TAF4B: variants seen among roughly 807,000 people sequenced by gnomAD.
TAF4B encodes the protein TATA-box binding protein associated factor 4b, also known as transcription initiation factor TFIID subunit 4B.
In TAF4B, 38 loss-of-function variants were observed where a neutral mutation model predicts 86.4. The observed-to-expected ratio is 0.44, with a 90% CI of 0.34 to 0.58. The LOEUF is 0.58. TAF4B is among the 20% of genes least tolerant of loss of function. The pLI, the probability that TAF4B is intolerant of heterozygous loss-of-function variation, is 0.02. For missense variants in TAF4B, 988 were observed against 1,027.6 expected (o/e 0.96, Z 0.53); for synonymous variants, 388 against 391.2 (o/e 0.99, Z 0.10).
chr18:26,357,010 A>G (rs1303319845), intron 13 of TAF4B, among the ~76,000 whole-genome samples: 1 of 152,106 alleles, frequency 6.6e-6, no homozygotes, highest in Non-Finnish European at 1.5e-5. Flanking sequence ...GAATTTTGCC[A>G]TGAATATTAT....
intron 14 of TAF4B, among the ~76,000 whole-genome samples, chr18:26,359,475 A>G (rs1287683657): frequency 6.6e-6 from 1 of 152,178 alleles, no homozygotes; most frequent in Non-Finnish European, 1.5e-5. Flanking sequence ...CAACCCTCAT[A>G]TGGTTGTGAA....
At chr18:26,330,599 T>C (rs2057042369) in intron 12 of TAF4B, among the ~76,000 whole-genome samples, 1 of 152,164 alleles carries the variant, frequency 6.6e-6, no homozygotes, top group Non-Finnish European at 1.5e-5. Context: ...CTAGGAAATG[T>C]ATATATGGTA....
chr18:26,261,172 A>ATTTTTTTT (rs71169839), intron 1 of TAF4B, among the ~76,000 whole-genome samples: 2 of 77,104 alleles, frequency 2.6e-5, no homozygotes, highest in Admixed American at 1.6e-4. Context: ...GAGCACTGTC[A>ATTTTTTTT]TTTTTTTTTT....
At chr18:26,260,017 C>T (rs1412346297) in intron 1 of TAF4B, among the ~76,000 whole-genome samples, 1 of 152,124 alleles carries the variant, frequency 6.6e-6, no homozygotes, top group Non-Finnish European at 1.5e-5. Flanking sequence ...TTTCGATTTG[C>T]ATTTGTCTGA....
At chr18:26,290,653 C>T (rs1369837102) in intron 7 of TAF4B, among the ~76,000 whole-genome samples, 1 of 152,158 alleles carries the variant, frequency 6.6e-6, no homozygotes, top group African/African-American at 2.4e-5. Context: ...TTAGTCTTCC[C>T]TAGCTCTATT....
rs1331969122 is a variant in TAF4B, at chr18:26,267,566, A to T, written c.540A>T (p.Lys180Asn). ...AAGTGGCAGTGACACCTGTTAAAAA[A>T]TTGGCACAAATAGGAACTACTGTGG... ...IKKVAVTPVK[K>N]LAQIGTTVVT... Residue 180 changes from lysine to asparagine, a missense_variant, in exon 3 of 15, where the codon AAA becomes AAT. Physicochemically the swap from Lys to Asn is moderately conservative, Grantham distance 94. Coordinates refer to ENST00000269142, the MANE Select transcript of TAF4B (RefSeq NM_005640.3). 6 of 1,614,068 alleles carry T rather than the reference A, an allele frequency of 3.7e-6. No individual in the cohort carries two copies. Among genetic ancestry groups the T allele is most frequent in the African/African-American group, 1.3e-5 (1 of 74,946 alleles).
rs190560593 is a variant in TAF4B, at chr18:26,233,081, C to T, written c.343+5805C>T. On this transcript the variant is annotated intron_variant, in intron 1 of 14. Transcript: ENST00000269142. ...GGGGAGGCAGATATAGGTTGAAGTTCCACATAAGAAGAATATGGCTTCGCT... is the reference window on the plus strand; with the variant it reads ...GGGGAGGCAGATATAGGTTGAAGTTTCACATAAGAAGAATATGGCTTCGCT... 2.0e-5 allele frequency among the ~76,000 whole-genome samples: 3 copies of T among 152,222 alleles called. No homozygotes were observed. In the East Asian group the frequency reaches 5.8e-4, roughly 29 times the overall value.
At position 26,379,905 on chromosome 18, in the gene TAF4B, AT is replaced by A. The variant is rs528960470; in HGVS notation, c.2422-9933del. ...CTTTTATCCATTTATACATAGGTAT[AT>A]TTTTTTGATGCTATTGAAAGTAGTA... On this transcript the variant is annotated intron_variant, in intron 14 of 14. Transcript: ENST00000269142. Among the ~76,000 whole-genome samples, 142 of 150,180 alleles carry A rather than the reference AT, an allele frequency of 9.5e-4. 1 individual carries two copies. The highest frequency in any genetic ancestry group is 3.5e-3 in the South Asian group (17 of 4,828).
chr18:26,336,129 G>A (rs1279943228), intron 13 of TAF4B, among the ~76,000 whole-genome samples: 1 of 152,174 alleles, frequency 6.6e-6, no homozygotes, highest in African/African-American at 2.4e-5. Flanking sequence ...GGATCTGACA[G>A]CAGATGATAA....
chr18:26,241,571 G>T (rs182217854), intron 1 of TAF4B, among the ~76,000 whole-genome samples: 31 of 152,060 alleles, frequency 2.0e-4, no homozygotes, highest in Non-Finnish European at 3.7e-4. Flanking sequence ...AGGGTTTTTT[G>T]TGTCTCTATC....
At chr18:26,276,143 G>A (rs2056381614) in intron 5 of TAF4B, among the ~76,000 whole-genome samples, 1 of 152,062 alleles carries the variant, frequency 6.6e-6, no homozygotes, top group Non-Finnish European at 1.5e-5. Flanking sequence ...GACCACAGAA[G>A]TTAGTTAATG....
At chr18:26,351,973 G>A (rs188583224) in intron 13 of TAF4B, among the ~76,000 whole-genome samples, 2 of 152,158 alleles carry the variant, frequency 1.3e-5, no homozygotes, top group East Asian at 3.9e-4. Context: ...TGAGCAGATT[G>A]AAAATTTAAG....
intron 5 of TAF4B, among the ~76,000 whole-genome samples, chr18:26,276,871 CATAT>C (rs34020836): frequency 0.079 from 12,031 of 152,026 alleles, 1,447 homozygotes; most frequent in African/African-American, 0.26. Context: ...AACCACAAAA[CATAT>C]GTGTGAATTT....
chr18:26,316,764 T>C (rs1434781253), intron 10 of TAF4B, among the ~76,000 whole-genome samples: 5 of 152,162 alleles, frequency 3.3e-5, no homozygotes, highest in African/African-American at 1.2e-4. Context: ...TTGTAAAATG[T>C]GTTTGTTTTC....
chr18:26,312,932 A>G (rs1598789977), intron 9 of TAF4B, among the ~76,000 whole-genome samples: 1 of 152,268 alleles, frequency 6.6e-6, no homozygotes, highest in East Asian at 1.9e-4. Flanking sequence ...TGGGCAATCC[A>G]TATATATAGT....
At chr18:26,320,995 G>GAAT in intron 10 of TAF4B, 75 bp from the exon 11 acceptor site, 14 of 1,574,726 alleles carry the variant, frequency 8.9e-6, no homozygotes, top group Non-Finnish European at 1.1e-5. Context: ...AGGGGGAACA[G>GAAT]AATACCTGCT....
At chr18:26,267,438 C>A in intron 2 of TAF4B, 78 bp from the exon 3 acceptor site, 1 of 929,872 alleles carries the variant, frequency 1.1e-6, no homozygotes, top group Non-Finnish European at 1.8e-6. Context: ...ATAAAGTGTT[C>A]TAATGTTCAC....
chr18:26,316,804 G>T (rs2056916426), intron 10 of TAF4B, among the ~76,000 whole-genome samples: 1 of 152,066 alleles, frequency 6.6e-6, no homozygotes, highest in Non-Finnish European at 1.5e-5. Flanking sequence ...CCCTCTCCCT[G>T]TGTTCCTTCA....
chr18:26,331,962 C>T (rs900531853), intron 12 of TAF4B, among the ~76,000 whole-genome samples: 1 of 152,172 alleles, frequency 6.6e-6, no homozygotes, highest in East Asian at 1.9e-4. Flanking sequence ...TATTGTTTGG[C>T]ACCCACCTAC....
Sources: gnomAD v4.1 joint callset for allele counts (sites outside exome capture counted in the v4.1 genomes callset) on GRCh38, gnomAD v4.1.1 for gene constraint, MANE v1.5 for transcripts, NCBI Gene and HGNC (gene_info 2026-07-23, HGNC 2026-07-21) for gene names.